PRKN: variants seen among roughly 807,000 people sequenced by gnomAD.
The protein encoded by PRKN is E3 ubiquitin-protein ligase parkin.
Under a neutral mutation model 59.5 loss-of-function variants are expected in PRKN, and 56 were observed. The ratio of observed to expected loss-of-function variants is 0.94; its 90% confidence interval spans 0.76 to 1.18. PRKN has a LOEUF of 1.18. Among genes scored for constraint, PRKN ranks in the 50% most tolerant of loss-of-function variants. The pLI is 0.00. For synonymous variants in PRKN, 250 were observed against 222.1 expected (o/e 1.13, Z -1.12); for missense variants, 657 against 596.4 (o/e 1.10, Z -1.06).
chr6:162,381,316 C>G (rs1453273161), intron 2 of PRKN, among the ~76,000 whole-genome samples: 2 of 152,146 alleles, frequency 1.3e-5, no homozygotes, highest in African/African-American at 2.4e-5. Flanking sequence ...TGCCCTCCTC[C>G]CTTTCAGTAA....
chr6:161,970,410 T>C (rs935006976), intron 6 of PRKN, among the ~76,000 whole-genome samples: 1 of 150,978 alleles, frequency 6.6e-6, no homozygotes, highest in African/African-American at 2.4e-5. Context: ...TATATATATA[T>C]ATATATATAT....
At chr6:161,810,318 T>C (rs1791507763) in intron 6 of PRKN, among the ~76,000 whole-genome samples, 1 of 152,188 alleles carries the variant, frequency 6.6e-6, no homozygotes, top group African/African-American at 2.4e-5. Flanking sequence ...TTCTGGTCTG[T>C]GAGGAAATAC....
intron 5 of PRKN, among the ~76,000 whole-genome samples, chr6:161,996,082 T>C (rs1315657654): frequency 6.6e-6 from 1 of 152,166 alleles, no homozygotes; most frequent in Non-Finnish European, 1.5e-5. Flanking sequence ...AAGGGATACC[T>C]GTACCCCCAT....
Position 161,741,941 on chromosome 6 carries a change from GATTTATTTATTT to G in PRKN, c.871+43819_871+43830del, listed in dbSNP as rs71805664. Among the ~76,000 whole-genome samples the G allele has an allele frequency of 2.1e-3, 309 of 143,874 alleles. 2 individuals carry two copies. The highest frequency in any genetic ancestry group is 3.5e-3 in the Middle Eastern group (1 of 284). The allele number at this position is 143,874 out of a possible 152,430, so 94.4% of individuals were successfully genotyped here. ...GAATAAGTCTCATGAGATCTGATGG[GATTTATTTATTT>G]ATTTATTTATTTATTTATTTATTTA... is the stretch of plus-strand genomic sequence containing the variant. On this transcript the variant is annotated intron_variant, in intron 7 of 11. Coordinates refer to ENST00000366898, the MANE Select transcript of PRKN (RefSeq NM_004562.3).
chr6:161,642,220 G>C (rs1166862546), intron 7 of PRKN, among the ~76,000 whole-genome samples: 1 of 152,064 alleles, frequency 6.6e-6, no homozygotes, highest in Non-Finnish European at 1.5e-5. Flanking sequence ...CCATCTATCA[G>C]GGAATTAGTT....
intron 7 of PRKN, among the ~76,000 whole-genome samples, chr6:161,779,903 T>G (rs922986077): frequency 4.6e-5 from 7 of 152,164 alleles, no homozygotes; most frequent in African/African-American, 1.7e-4. Flanking sequence ...GAAATCCCAA[T>G]CCCAACCTAC....
intron 9 of PRKN, among the ~76,000 whole-genome samples, chr6:161,426,348 T>G (rs1788356149): frequency 6.6e-6 from 1 of 152,102 alleles, no homozygotes; most frequent in Non-Finnish European, 1.5e-5. Context: ...GAGATTAACA[T>G]TTGAGTCAGT....
intron 7 of PRKN, among the ~76,000 whole-genome samples, chr6:161,747,032 T>C (rs1788461952): frequency 6.6e-6 from 1 of 152,126 alleles, no homozygotes; most frequent in Non-Finnish European, 1.5e-5. Flanking sequence ...ACGTTTTCGA[T>C]TGATTTTCAA....
chr6:161,728,857 G>A (rs550536055), intron 7 of PRKN, among the ~76,000 whole-genome samples: 180 of 152,202 alleles, frequency 1.2e-3, no homozygotes, highest in Non-Finnish European at 1.5e-3. Context: ...AACATATTTT[G>A]TATTATAAAA....
chr6:161,876,155 G>A (rs1794725141), intron 6 of PRKN, among the ~76,000 whole-genome samples: 1 of 152,018 alleles, frequency 6.6e-6, no homozygotes, highest in Admixed American at 6.6e-5. Flanking sequence ...AAATATAAAT[G>A]TTTTAACATT....
intron 7 of PRKN, among the ~76,000 whole-genome samples, chr6:161,710,591 T>G (rs1402973743): frequency 6.6e-6 from 1 of 152,150 alleles, no homozygotes; most frequent in African/African-American, 2.4e-5. Flanking sequence ...TAAGAATGAT[T>G]TGATGATCCA....
At position 161,746,312 on chromosome 6, in the gene PRKN, C is replaced by A. The variant is rs191133110; in HGVS notation, c.871+39460G>T. On this transcript the variant is annotated intron_variant, in intron 7 of 11. Coordinates refer to ENST00000366898, the MANE Select transcript of PRKN (RefSeq NM_004562.3). ...TGGAACTGAAAATTGAGTAAGACTT[C>A]CCAGAGACCCAGCTGTGGGGGACTA... 2.6e-5 allele frequency among the ~76,000 whole-genome samples: 4 copies of A among 151,998 alleles called. No homozygotes were observed. In the East Asian group the frequency reaches 7.8e-4, roughly 30 times the overall value.
intron 1 of PRKN, among the ~76,000 whole-genome samples, chr6:162,694,196 G>A (rs192656847): frequency 5.2e-5 from 7 of 134,604 alleles, no homozygotes; most frequent in South Asian, 2.3e-4. Flanking sequence ...GCAGTGAGCC[G>A]AGATCGTGCC....
intron 1 of PRKN, among the ~76,000 whole-genome samples, chr6:162,599,086 A>G (rs1367749803): frequency 1.3e-5 from 2 of 152,154 alleles, no homozygotes; most frequent in African/African-American, 4.8e-5. Context: ...AATCTTTTCC[A>G]GTTTCCATTT....
intron 5 of PRKN, among the ~76,000 whole-genome samples, chr6:162,035,500 A>G (rs956721455): frequency 1.3e-5 from 2 of 152,242 alleles, no homozygotes; most frequent in African/African-American, 4.8e-5. Context: ...TTTCTCCAGG[A>G]TGATATGCTT....
Position 161,646,917 on chromosome 6 carries a change from G to A in PRKN, c.872-77501C>T, listed in dbSNP as rs114513379. ...AAAATTCATACTAAATTTGGCCCCT[G>A]TAGGAAAGAAAGTACATTTATCTGT... On this transcript the variant is annotated intron_variant, in intron 7 of 11. Transcript: ENST00000366898. Among the ~76,000 whole-genome samples, 932 of 152,258 alleles carry A rather than the reference G, an allele frequency of 6.1e-3. 11 individuals carry two copies. The highest frequency in any genetic ancestry group is 0.021 in the African/African-American group (869 of 41,542).
At chr6:161,837,956 G>C (rs1425123934) in intron 6 of PRKN, among the ~76,000 whole-genome samples, 1 of 152,166 alleles carries the variant, frequency 6.6e-6, no homozygotes, top group African/African-American at 2.4e-5. Context: ...GGAAGGACAG[G>C]AAACTCTACC....
intron 6 of PRKN, among the ~76,000 whole-genome samples, chr6:161,799,686 T>G (rs1405469642): frequency 5.3e-5 from 8 of 152,214 alleles, no homozygotes; most frequent in Non-Finnish European, 1.0e-4. Flanking sequence ...GGGATAGGTA[T>G]TAAGCAAACA....
chr6:162,608,176 G>A (rs1781999322), intron 1 of PRKN, among the ~76,000 whole-genome samples: 1 of 152,180 alleles, frequency 6.6e-6, no homozygotes, highest in Non-Finnish European at 1.5e-5. Flanking sequence ...TTGAAGTTAT[G>A]GACCAGGGAG....
Sources: gnomAD v4.1 joint callset for allele counts (sites outside exome capture counted in the v4.1 genomes callset) on GRCh38, gnomAD v4.1.1 for gene constraint, MANE v1.5 for transcripts, NCBI Gene and HGNC (gene_info 2026-07-23, HGNC 2026-07-21) for gene names.